MTUS1: variants seen among roughly 807,000 people sequenced by gnomAD.
MTUS1 encodes the protein microtubule-associated tumor suppressor 1.
In MTUS1, 109 loss-of-function variants were observed where a neutral mutation model predicts 120.8. That is an observed-to-expected ratio of 0.90 (90% CI 0.77 to 1.06). The LOEUF (loss-of-function observed/expected upper bound fraction) is 1.06. Among genes scored for constraint, MTUS1 ranks in the 50% least tolerant of loss-of-function variants. The pLI is 0.00. For synonymous variants in MTUS1, 737 were observed against 550.5 expected (o/e 1.34, Z -4.74); for missense variants, 2,210 against 1,486.3 (o/e 1.49, Z -8.01).
At position 17,755,315 on chromosome 8, in the gene MTUS1, C is replaced by G. The variant is rs767912871; in HGVS notation, c.493G>C (p.Val165Leu). The G allele has an allele frequency of 1.2e-6, 2 of 1,614,218 alleles. No individual in the cohort carries two copies. The highest frequency in any genetic ancestry group is 1.7e-6 in the Non-Finnish European group (2 of 1,180,042). The change falls in exon 2 of 15, where the codon GTG becomes CTG. Residue 165 changes from valine to leucine, a missense_variant. Physicochemically the swap from Val to Leu is conservative, Grantham distance 32 (BLOSUM62 1). Transcript: ENST00000693296. ...LELNQTFDMT[V>L]DKVNCTFISH... Reference sequence around the variant, plus strand: ...ATAAAGGTGCAGTTAACTTTATCCACTGTCATGTCAAATGTTTGGTTTAGC... The same window carrying G: ...ATAAAGGTGCAGTTAACTTTATCCAGTGTCATGTCAAATGTTTGGTTTAGC...
intron 3 of MTUS1, among the ~76,000 whole-genome samples, chr8:17,732,029 A>G (rs1440957557): frequency 6.6e-6 from 1 of 152,248 alleles, no homozygotes; most frequent in Non-Finnish European, 1.5e-5. Flanking sequence ...GGGTGTCCCC[A>G]TGAAAAACAA....
intron 6 of MTUS1, among the ~76,000 whole-genome samples, chr8:17,703,324 T>C (rs919732349): frequency 2.0e-5 from 3 of 151,720 alleles, no homozygotes; most frequent in African/African-American, 7.3e-5. Flanking sequence ...GCTCTGGGAG[T>C]GTCTGTCCTA....
chr8:17,774,118 T>C (rs1011352563), intron 1 of MTUS1, among the ~76,000 whole-genome samples: 1 of 152,212 alleles, frequency 6.6e-6, no homozygotes, highest in African/African-American at 2.4e-5. Flanking sequence ...GAGATTTATT[T>C]AACTTAAAGC....
intron 1 of MTUS1, among the ~76,000 whole-genome samples, chr8:17,787,630 G>A (rs552613554): frequency 1.2e-4 from 19 of 152,218 alleles, no homozygotes; most frequent in East Asian, 3.9e-4. Context: ...AATATTCTTC[G>A]CCTCATTTTC....
At chr8:17,710,796 G>C (rs1821129072) in intron 6 of MTUS1, among the ~76,000 whole-genome samples, 1 of 152,178 alleles carries the variant, frequency 6.6e-6, no homozygotes. Flanking sequence ...AGTAAGACCT[G>C]AAAGTCAAAA....
intron 12 of MTUS1, chr8:17,651,498 ATTTTAT>A (rs912804309): frequency 7.3e-5 from 11 of 151,316 alleles, no homozygotes; most frequent in Non-Finnish European, 1.6e-4. Flanking sequence ...AATTTCATAC[ATTTTAT>A]ACAGTGTTAC....
chr8:17,790,577 T>C (rs973704036), intron 1 of MTUS1, among the ~76,000 whole-genome samples: 2 of 152,246 alleles, frequency 1.3e-5, no homozygotes, highest in African/African-American at 2.4e-5. Flanking sequence ...TCACTTGTGC[T>C]ACTAATCTGA....
rs190836085 is a variant in MTUS1, at chr8:17,728,434, C to G, written c.2288-4601G>C. Among the ~76,000 whole-genome samples, 26 of 152,262 alleles carry G rather than the reference C, an allele frequency of 1.7e-4. No individual in the cohort carries two copies. In the East Asian group the frequency reaches 5.0e-3, roughly 29 times the overall value. On this transcript the variant is annotated intron_variant, in intron 3 of 14. Coordinates refer to ENST00000693296, the MANE Select transcript of MTUS1 (RefSeq NM_001363059.2). ...CAGATCATCTTAATAAAAATCTGGA[C>G]AATAGATTCACATGAAGGTGTGTCT...
intron 1 of MTUS1, among the ~76,000 whole-genome samples, chr8:17,770,785 A>C (rs17125321): frequency 0.018 from 2,760 of 152,296 alleles, 84 homozygotes; most frequent in African/African-American, 0.063. Flanking sequence ...TTGTACGCAG[A>C]TGTTTCTTGG....
At chr8:17,800,154 G>T (rs989698438) in intron 1 of MTUS1, among the ~76,000 whole-genome samples, 1 of 152,130 alleles carries the variant, frequency 6.6e-6, no homozygotes, top group African/African-American at 2.4e-5. Flanking sequence ...CTGGTTCCCA[G>T]GAAGCAATGA....
At chr8:17,740,414 G>C (rs1318453934) in intron 3 of MTUS1, among the ~76,000 whole-genome samples, 1 of 152,194 alleles carries the variant, frequency 6.6e-6, no homozygotes, top group African/African-American at 2.4e-5. Flanking sequence ...GAGTAACTGT[G>C]AGTCAGTATG....
intron 1 of MTUS1, among the ~76,000 whole-genome samples, chr8:17,784,404 T>C (rs1200694833): frequency 2.0e-5 from 3 of 151,490 alleles, no homozygotes; most frequent in Non-Finnish European, 4.4e-5. Context: ...GAAGTGATTC[T>C]CCAGCCTCAG....
chr8:17,753,114 T>TA (rs1283420685), intron 2 of MTUS1, among the ~76,000 whole-genome samples: 4 of 152,306 alleles, frequency 2.6e-5, no homozygotes, highest in Non-Finnish European at 5.9e-5. Context: ...CAGGAATTAA[T>TA]ATATTAAGGC....
chr8:17,655,537 AACAT>A (rs1318529817), intron 9 of MTUS1, among the ~76,000 whole-genome samples: 1 of 152,180 alleles, frequency 6.6e-6, no homozygotes, highest in East Asian at 1.9e-4. Flanking sequence ...CAGCCTGGCC[AACAT>A]GGTGAAACCC....
rs527519260 is a variant in MTUS1, at chr8:17,763,142, C to G, written c.-154-7181G>C. 3.4e-3 allele frequency among the ~76,000 whole-genome samples: 518 copies of G among 152,236 alleles called. 1 individual carries two copies. The highest frequency in any genetic ancestry group is 0.011 in the African/African-American group (464 of 41,534). ...AGTAGCTGGGATTACAGGTGCCCAC[C>G]ACCACGCCCAGCTAATTTTTTGTGT... On this transcript the variant is annotated intron_variant, in intron 1 of 14. Transcript: ENST00000693296.
At chr8:17,758,524 T>A (rs1457469262) in intron 1 of MTUS1, among the ~76,000 whole-genome samples, 1 of 152,226 alleles carries the variant, frequency 6.6e-6, no homozygotes, top group Non-Finnish European at 1.5e-5. Context: ...AAACATAAAT[T>A]AACATTTTTA....
Position 17,710,779 on chromosome 8 carries a change from C to CT in MTUS1, c.2623+2434dup, listed in dbSNP as rs539717354. Among the ~76,000 whole-genome samples the CT allele has an allele frequency of 9.3e-3, 1,423 of 152,318 alleles. 16 individuals carry two copies. Among genetic ancestry groups the CT allele is most frequent in the Non-Finnish European group, 0.013 (916 of 68,022 alleles). On this transcript the variant is annotated intron_variant, in intron 6 of 14. Coordinates refer to ENST00000693296, the MANE Select transcript of MTUS1 (RefSeq NM_001363059.2). ...AGCTACAGTCTTACACAATGTACTT[C>CT]TTAAATAGTAAGACCTGAAAGTCAA...
At chr8:17,664,701 C>T (rs530568049) in intron 8 of MTUS1, among the ~76,000 whole-genome samples, 3 of 152,214 alleles carry the variant, frequency 2.0e-5, no homozygotes, top group South Asian at 2.1e-4. Flanking sequence ...TACATTCTAC[C>T]GTAGGAGTGT....
chr8:17,644,712 C>G lies in MTUS1; in HGVS notation c.*1214G>C, dbSNP rs1054914332. ...TCGGTAAGCACTGAATCCTACCTTT[C>G]TTAATTATACTAGCCAATGACTTCC... On this transcript the variant is annotated 3_prime_UTR_variant, in exon 15 of 15. Transcript: ENST00000693296. The G allele has an allele frequency of 2.6e-5, 4 of 152,222 alleles. No homozygotes were observed. The highest frequency in any genetic ancestry group is 6.5e-5 in the Admixed American group (1 of 15,290). The allele number at this position is 152,222 out of a possible 1,614,324, so 9.4% of individuals were successfully genotyped here. A position where few individuals can be genotyped will look rare whatever the true frequency, so the allele number is the denominator to read the frequency against.
Sources: allele counts gnomAD v4.1 joint callset (sites outside exome capture counted in the v4.1 genomes callset), GRCh38; gene constraint gnomAD v4.1.1; transcripts MANE v1.5; gene names NCBI Gene and HGNC (gene_info 2026-07-23, HGNC 2026-07-21).